The following RIPOR3 variants were observed in gnomAD, a reference collection of about 807,000 sequenced individuals.
RIPOR3 encodes RIPOR family member 3, also known as family with sequence similarity 65 member C.
In RIPOR3, 95 loss-of-function variants were observed where a neutral mutation model predicts 114.3. The observed-to-expected ratio is 0.83, with a 90% CI of 0.70 to 0.99. The LOEUF (loss-of-function observed/expected upper bound fraction) is 0.99. Ranked by LOEUF, RIPOR3 falls within the 50% of genes least tolerant of loss-of-function variation. RIPOR3 has a pLI of 0.00. For missense variants in RIPOR3, 1,252 were observed against 1,266.9 expected, an observed-to-expected ratio of 0.99 and a Z score of 0.18; for synonymous variants, 575 against 543.8, an observed-to-expected ratio of 1.06 and a Z score of -0.80.
intron 1 of RIPOR3, among the ~76,000 whole-genome samples, chr20:50,640,188 G>A (rs1320159827): frequency 2.0e-5 from 3 of 152,188 alleles, no homozygotes; most frequent in South Asian, 4.1e-4. Context: ...CTGGGTCTGC[G>A]GCTCCCACAG....
At chr20:50,594,770 G>A (rs2083231833) in intron 16 of RIPOR3, 56 bp from the exon 17 acceptor site, 4 of 1,561,018 alleles carry the variant, frequency 2.6e-6, no homozygotes, top group Non-Finnish European at 3.5e-6. Flanking sequence ...ACATGACAAG[G>A]ACCCGAAAGG....
chr20:50,679,249 G>A (rs2086782471), intron 1 of RIPOR3, among the ~76,000 whole-genome samples: 1 of 143,904 alleles, frequency 6.9e-6, no homozygotes, highest in Non-Finnish European at 1.5e-5. Flanking sequence ...TATATAAAAT[G>A]AGGGTGCCAC....
chr20:50,673,265 G>T (rs376516142), intron 1 of RIPOR3, among the ~76,000 whole-genome samples: 1 of 152,298 alleles, frequency 6.6e-6, no homozygotes, highest in East Asian at 1.9e-4. Flanking sequence ...AATACCCACA[G>T]ACCCCTCTGA....
chr20:50,592,392 G>A lies in RIPOR3; in HGVS notation c.2529C>T (p.Ala843=), dbSNP rs1198966323. 2.5e-6 allele frequency: 4 copies of A among 1,607,040 alleles called. No individual in the cohort carries two copies. In the Admixed American group the frequency reaches 6.7e-5, roughly 27 times the overall value. The change falls in exon 19 of 22, where the codon GCC becomes GCT. Residue 843 remains alanine, a synonymous_variant. Coordinates refer to ENST00000327979, the MANE Select transcript of RIPOR3 (RefSeq NM_001290268.2). ...LDGTPRVCRA[A]SARLAGAVRN... Reference sequence around the variant, plus strand: ...TGACTGCACCAGCCAGGCGAGCGCTGGCCGCCCTGCACACCCTCGGAGTGC... The same window carrying A: ...TGACTGCACCAGCCAGGCGAGCGCTAGCCGCCCTGCACACCCTCGGAGTGC...
intron 1 of RIPOR3, among the ~76,000 whole-genome samples, chr20:50,689,092 C>T (rs1431636728): frequency 1.3e-5 from 2 of 152,130 alleles, no homozygotes; most frequent in East Asian, 3.9e-4. Context: ...TCCCCAAGTC[C>T]ACCTTCATTC....
Position 50,671,772 on chromosome 20 carries a change from A to G in RIPOR3, c.3+19354T>C, listed in dbSNP as rs539425703. On this transcript the variant is annotated intron_variant, in intron 1 of 21. Transcript: ENST00000327979. ...GATGGTTGGGTGGGTGAATAGATGA[A>G]TGGGTGGGCGAAGGGATGGATGGAT... 1.7e-4 allele frequency among the ~76,000 whole-genome samples: 26 copies of G among 150,408 alleles called. No homozygotes were observed. The East Asian group carries it at 4.9e-3, about 28-fold the overall frequency.
chr20:50,677,320 C>T (rs1453625992), intron 1 of RIPOR3, among the ~76,000 whole-genome samples: 2 of 151,576 alleles, frequency 1.3e-5, no homozygotes, highest in African/African-American at 2.4e-5. Flanking sequence ...CTTCACAAGA[C>T]CTTCCTGTGA....
At chr20:50,687,872 C>T (rs2087081596) in intron 1 of RIPOR3, among the ~76,000 whole-genome samples, 1 of 150,256 alleles carries the variant, frequency 6.7e-6, no homozygotes, top group African/African-American at 2.5e-5. Context: ...CACTGTCCTC[C>T]AGCCTAGGCA....
chr20:50,668,543 CAG>C (rs1029286193), intron 1 of RIPOR3, among the ~76,000 whole-genome samples: 16 of 152,108 alleles, frequency 1.1e-4, no homozygotes, highest in Non-Finnish European at 1.8e-4. Context: ...AATCCAGACT[CAG>C]AGAATGGAGT....
chr20:50,638,874 G>C (rs1479540155), intron 1 of RIPOR3, among the ~76,000 whole-genome samples: 1 of 152,184 alleles, frequency 6.6e-6, no homozygotes, highest in Non-Finnish European at 1.5e-5. Flanking sequence ...CCTGGAGAGA[G>C]ACCCCTGACA....
intron 1 of RIPOR3, among the ~76,000 whole-genome samples, chr20:50,668,488 T>C (rs2123505731): frequency 6.6e-6 from 1 of 152,184 alleles, no homozygotes; most frequent in East Asian, 1.9e-4. Flanking sequence ...AGAATCTGAT[T>C]CTCCCTCCTC....
chr20:50,594,303 G>A (rs1021980483), intron 17 of RIPOR3, among the ~76,000 whole-genome samples: 8 of 149,270 alleles, frequency 5.4e-5, no homozygotes, highest in African/African-American at 9.9e-5. Flanking sequence ...AAAATGCACC[G>A]GCCCACCAAG....
intron 19 of RIPOR3, among the ~76,000 whole-genome samples, chr20:50,591,915 T>C (rs2083120359): frequency 6.6e-6 from 1 of 152,072 alleles, no homozygotes; most frequent in Non-Finnish European, 1.5e-5. Flanking sequence ...GCCAACATGG[T>C]GAAACCCTGT....
intron 2 of RIPOR3, among the ~76,000 whole-genome samples, chr20:50,627,834 A>T (rs1273531081): frequency 6.6e-6 from 1 of 152,228 alleles, no homozygotes; most frequent in Non-Finnish European, 1.5e-5. Context: ...AGAGCGTTCA[A>T]TCAAAGTACA....
chr20:50,650,628 C>T (rs2123395343), intron 1 of RIPOR3, among the ~76,000 whole-genome samples: 1 of 152,100 alleles, frequency 6.6e-6, no homozygotes, highest in African/African-American at 2.4e-5. Flanking sequence ...TTAGAGTGAC[C>T]CAAACATTCA....
chr20:50,680,838 G>C (rs977391939), intron 1 of RIPOR3, among the ~76,000 whole-genome samples: 2 of 152,168 alleles, frequency 1.3e-5, no homozygotes. Context: ...AGTGTGAGTG[G>C]CATTGATACC....
At chr20:50,650,731 T>C (rs1351090691) in intron 1 of RIPOR3, among the ~76,000 whole-genome samples, 1 of 152,134 alleles carries the variant, frequency 6.6e-6, no homozygotes, top group Non-Finnish European at 1.5e-5. Context: ...AATATCACTA[T>C]TGCTATTGTT....
At chr20:50,677,661 C>A (rs1381872564) in intron 1 of RIPOR3, among the ~76,000 whole-genome samples, 1 of 149,506 alleles carries the variant, frequency 6.7e-6, no homozygotes, top group Non-Finnish European at 1.5e-5. Context: ...CGTGAGCCAC[C>A]GCGCCTGGCC....
intron 12 of RIPOR3, 128 bp downstream of exon 12, chr20:50,604,517 C>T (rs763369255): frequency 1.6e-5 from 21 of 1,329,868 alleles, no homozygotes; most frequent in Middle Eastern, 2.8e-4. Flanking sequence ...CACCCAGGAT[C>T]GCCTCAAACG....
Sources: gnomAD v4.1 joint callset for allele counts (sites outside exome capture counted in the v4.1 genomes callset) on GRCh38, gnomAD v4.1.1 for gene constraint, MANE v1.5 for transcripts, NCBI Gene and HGNC (gene_info 2026-07-23, HGNC 2026-07-21) for gene names.